Variants in ACSL5 observed in about 807,000 individuals in gnomAD.
The protein encoded by ACSL5 is acyl-CoA synthetase long chain family member 5.
A neutral mutation model predicts 84.9 loss-of-function variants in ACSL5; 50 were observed. That is an observed-to-expected ratio of 0.59 (90% CI 0.47 to 0.75). The LOEUF (loss-of-function observed/expected upper bound fraction) is 0.75, where lower values mean the gene tolerates loss of function less well. Ranked by LOEUF, ACSL5 falls within the 30% of genes least tolerant of loss-of-function variation. ACSL5 has a pLI of 0.00. For synonymous variants in ACSL5, 280 were observed against 300.7 expected (o/e 0.93, Z 0.71); for missense variants, 775 against 830.4 (o/e 0.93, Z 0.82).
intron 1 of ACSL5, among the ~76,000 whole-genome samples, chr10:112,384,477 T>C (rs1468184282): frequency 6.6e-6 from 1 of 152,184 alleles, no homozygotes; most frequent in East Asian, 1.9e-4. Flanking sequence ...CTCTTCCATC[T>C]GTCTTTTTCT....
At position 112,425,483 on chromosome 10, in the gene ACSL5, T is replaced by TA; in HGVS notation, c.1737+4dup. On this transcript the variant is annotated splice_region_variant and intron_variant, in intron 18 of 20. Coordinates refer to ENST00000354655, the MANE Select transcript of ACSL5 (RefSeq NM_203379.2). ...TTTGTACACGGGGAGAGCTTACGGG[T>TA]AATATATCATTTTAACAATAGCCCA... 1 of 1,598,878 alleles carries TA rather than the reference T, an allele frequency of 6.3e-7. No individual in the cohort carries two copies. The highest frequency in any genetic ancestry group is 1.7e-4 in the Middle Eastern group (1 of 6,002).
intron 18 of ACSL5, 62 bp downstream of exon 18, chr10:112,425,543 C>A: frequency 3.1e-6 from 4 of 1,310,202 alleles, no homozygotes; most frequent in South Asian, 1.9e-5. Context: ...CTTGTAGCTA[C>A]AGGAAATTTG....
At position 112,425,486 on chromosome 10, in the gene ACSL5, T is replaced by C; in HGVS notation, c.1737+5T>C. 1 of 1,598,290 alleles carries C rather than the reference T, an allele frequency of 6.3e-7. No homozygotes were observed. The highest frequency in any genetic ancestry group is 8.5e-7 in the Non-Finnish European group (1 of 1,173,086). ...GTACACGGGGAGAGCTTACGGGTAA[T>C]ATATCATTTTAACAATAGCCCATTT... On this transcript the variant is annotated splice_donor_5th_base_variant and intron_variant, in intron 18 of 20. Transcript: ENST00000354655.
chr10:112,407,492 G>C (rs1366243239), intron 5 of ACSL5, among the ~76,000 whole-genome samples: 3 of 152,094 alleles, frequency 2.0e-5, no homozygotes, highest in African/African-American at 7.2e-5. Flanking sequence ...AAAGTGCTGG[G>C]ATTACAGGCA....
chr10:112,426,085 G>T (rs1286166343), intron 18 of ACSL5, among the ~76,000 whole-genome samples, 173 bp from the exon 19 acceptor site: 1 of 50,528 alleles, frequency 2.0e-5, no homozygotes, highest in East Asian at 8.5e-4. Flanking sequence ...GGGAAAATGG[G>T]ATTACAGTTC....
At position 112,427,574 on chromosome 10, in the gene ACSL5, T is replaced by C; in HGVS notation, c.*216T>C. On this transcript the variant is annotated 3_prime_UTR_variant, in exon 21 of 21. Coordinates refer to ENST00000354655, the MANE Select transcript of ACSL5 (RefSeq NM_203379.2). ...TTTCCCATCTTCGATGTTGCTAATATTAAGGCTTCAGGGCTACTTTTATCA... is the reference window on the plus strand; with the variant it reads ...TTTCCCATCTTCGATGTTGCTAATACTAAGGCTTCAGGGCTACTTTTATCA... 1 of 381,812 alleles carries C rather than the reference T, an allele frequency of 2.6e-6. No homozygotes were observed. The highest frequency in any genetic ancestry group is 4.6e-6 in the Non-Finnish European group (1 of 218,226). 23.7% of individuals were successfully genotyped at this position (381,812 alleles called of 1,614,324 possible). A position where few individuals can be genotyped will look rare whatever the true frequency, so the allele number is the denominator to read the frequency against.
At chr10:112,413,939 C>G (rs879265189) in intron 12 of ACSL5, among the ~76,000 whole-genome samples, 1 of 152,048 alleles carries the variant, frequency 6.6e-6, no homozygotes, top group African/African-American at 2.4e-5. Flanking sequence ...ATTGAATCCT[C>G]ACAAAATCAT....
chr10:112,378,197 A>ATATT (rs1433423887), intron 1 of ACSL5, among the ~76,000 whole-genome samples: 3 of 120,482 alleles, frequency 2.5e-5, no homozygotes, highest in African/African-American at 9.6e-5. Flanking sequence ...AGGTACTCTT[A>ATATT]TATTTAATCA....
chr10:112,385,658 T>C (rs1227540044), intron 1 of ACSL5, among the ~76,000 whole-genome samples: 1 of 152,254 alleles, frequency 6.6e-6, no homozygotes, highest in Non-Finnish European at 1.5e-5. Flanking sequence ...GCCCTTGCTT[T>C]ATTGGGTTAT....
chr10:112,426,344 A>G lies in ACSL5; in HGVS notation c.1824A>G (p.Glu608=), dbSNP rs376910497. 15 of 1,613,880 alleles carry G rather than the reference A, an allele frequency of 9.3e-6. No individual in the cohort carries two copies. Among genetic ancestry groups the G allele is most frequent in the Non-Finnish European group, 1.3e-5 (15 of 1,179,944 alleles). ...TTGGGGTGAAGGGCTCCTTTGAGGAACTGTGCCAAAACCAAGTAAGTCTTG... is the reference window on the plus strand; with the variant it reads ...TTGGGGTGAAGGGCTCCTTTGAGGAGCTGTGCCAAAACCAAGTAAGTCTTG... ...AKLGVKGSFE[E]LCQNQVVREA... The change falls in exon 19 of 21, where the codon GAA becomes GAG. Residue 608 remains glutamate (E), a synonymous_variant. Coordinates refer to ENST00000354655, the MANE Select transcript of ACSL5 (RefSeq NM_203379.2).
chr10:112,425,683 T>C, intron 18 of ACSL5: 1 of 465,934 alleles, frequency 2.1e-6, no homozygotes, highest in Non-Finnish European at 3.7e-6. Flanking sequence ...ATGGACGTTG[T>C]ACACAAGTCA....
chr10:112,397,128 C>T (rs558661669), intron 2 of ACSL5, among the ~76,000 whole-genome samples: 4 of 152,000 alleles, frequency 2.6e-5, no homozygotes, highest in African/African-American at 9.6e-5. Context: ...TCCTGTAGAT[C>T]CAGCTGACAT....
chr10:112,401,824 CTT>C (rs1179785846), intron 3 of ACSL5, among the ~76,000 whole-genome samples: 1 of 110,972 alleles, frequency 9.0e-6, no homozygotes, highest in Non-Finnish European at 2.0e-5. Flanking sequence ...TTCTTTCTTT[CTT>C]TCTTTCTTTC....
At chr10:112,387,403 C>T (rs1167979869) in intron 1 of ACSL5, among the ~76,000 whole-genome samples, 3 of 152,162 alleles carry the variant, frequency 2.0e-5, no homozygotes, top group African/African-American at 4.8e-5. Flanking sequence ...TCCAGGTATG[C>T]TCATGATGCT....
intron 14 of ACSL5, among the ~76,000 whole-genome samples, chr10:112,419,102 C>CTGTGTGTGTGTGTGTG (rs57261585): frequency 3.1e-4 from 46 of 146,518 alleles, no homozygotes; most frequent in Non-Finnish European, 4.8e-4. Flanking sequence ...CACAATGTAT[C>CTGTGTGTGTGTGTGTG]TGTGTGTGTG....
chr10:112,377,867 G>C (rs928357078), intron 1 of ACSL5, among the ~76,000 whole-genome samples: 2 of 152,108 alleles, frequency 1.3e-5, no homozygotes, highest in South Asian at 4.1e-4. Flanking sequence ...AGATGCTAAT[G>C]GTGGAAACTT....
Position 112,427,209 on chromosome 10 carries a change from A to G in ACSL5, c.1912-9A>G. The stretch of plus-strand genomic sequence containing the variant: ...AATGAGCATGGATGTGTGTGTGTTC[A>G]TCTTCCAGGTCAAAGCCATTTTTCT... On this transcript the variant is annotated splice_polypyrimidine_tract_variant and intron_variant, in intron 20 of 20. Coordinates refer to ENST00000354655, the MANE Select transcript of ACSL5 (RefSeq NM_203379.2). 6.2e-7 allele frequency: 1 copy of G among 1,608,510 alleles called. No individual in the cohort carries two copies. Among genetic ancestry groups the G allele is most frequent in the South Asian group, 1.1e-5 (1 of 90,022 alleles).
At chr10:112,411,381 C>A (rs1238442724) in intron 9 of ACSL5, 75 bp from the exon 10 acceptor site, 3 of 1,240,754 alleles carry the variant, frequency 2.4e-6, no homozygotes, top group African/African-American at 1.5e-5. Flanking sequence ...CCAATTGAAT[C>A]TAGTTTCTTT....
chr10:112,376,375 G>A lies in ACSL5; in HGVS notation c.-30+2106G>A, dbSNP rs371363335. 6.8e-5 allele frequency: 109 copies of A among 1,614,002 alleles called. 1 individual carries two copies. The highest frequency in any genetic ancestry group is 2.7e-4 in the Admixed American group (16 of 59,992). On this transcript the variant is annotated intron_variant, in intron 1 of 20. Coordinates refer to ENST00000354655, the MANE Select transcript of ACSL5 (RefSeq NM_203379.2). ...AGCGAGGGAAGAAGGACAGGGACTC[G>A]TGTGGCAGGAAGAACTCAGAGCCGG...
Sources: gnomAD v4.1 joint callset for allele counts (sites outside exome capture counted in the v4.1 genomes callset) on GRCh38, gnomAD v4.1.1 for gene constraint, MANE v1.5 for transcripts, NCBI Gene and HGNC (gene_info 2026-07-23, HGNC 2026-07-21) for gene names.